Variants in SLC1A5 observed in about 807,000 individuals in gnomAD.
SLC1A5 encodes neutral amino acid transporter B(0).
A neutral mutation model predicts 34.9 loss-of-function variants in SLC1A5; 25 were observed. That is an observed-to-expected ratio of 0.72 (90% confidence interval 0.52 to 1.00). SLC1A5 has a LOEUF of 1.00. SLC1A5 is among the 50% of genes least tolerant of loss of function. The probability of loss-of-function intolerance (pLI) is 0.00; values close to 1 mark genes in which losing one functional copy is unlikely to be tolerated. For missense variants in SLC1A5, 637 were observed against 740.0 expected (o/e 0.86, Z 1.61); for synonymous variants, 351 against 341.2 (o/e 1.03, Z -0.32).
At chr19:46,782,351 A>ACCAAAACCCCC in intron 4 of SLC1A5, 32 bp downstream of exon 4, 1 of 256,186 alleles carries the variant, frequency 3.9e-6, no homozygotes, top group African/African-American at 6.2e-5. Context: ...CTCCAACCCC[A>ACCAAAACCCCC]CCCACCCCCA....
intron 1 of SLC1A5, among the ~76,000 whole-genome samples, chr19:46,786,080 T>C (rs1900549023): frequency 1.3e-5 from 2 of 151,610 alleles, no homozygotes; most frequent in Admixed American, 6.6e-5. Context: ...AGCATGAGTT[T>C]ATTGGTGTGT....
chr19:46,783,941 G>A (rs1231518449), intron 3 of SLC1A5, among the ~76,000 whole-genome samples, 156 bp downstream of exon 3: 1 of 152,110 alleles, frequency 6.6e-6, no homozygotes, highest in African/African-American at 2.4e-5. Context: ...AGGGGACAAA[G>A]TAGAGACCTA....
chr19:46,777,247 T>C lies in SLC1A5; in HGVS notation c.1217A>G (p.Gln406Arg), dbSNP rs757792909. The C allele has an allele frequency of 6.2e-7, 1 of 1,610,288 alleles. No homozygotes were observed. Among genetic ancestry groups the C allele is most frequent in the Non-Finnish European group, 8.5e-7 (1 of 1,177,944 alleles). The change falls in exon 6 of 8, where the codon CAG becomes CGG. Residue 406 changes from glutamine (Q) to arginine (R), a missense_variant. Transcript: ENST00000542575. ...GATCTTTACGAAGTCCAAGGACTGCTGGCTGAGCTGTGCAATGAACACTGC... is the reference window on the plus strand; with the variant it reads ...GATCTTTACGAAGTCCAAGGACTGCCGGCTGAGCTGTGCAATGAACACTGC... ...VAAVFIAQLS[Q>R]QSLDFVKIIT...
intron 4 of SLC1A5, 118 bp downstream of exon 4, chr19:46,782,265 T>A (rs2055151528): frequency 1.3e-6 from 1 of 754,016 alleles, no homozygotes; most frequent in Non-Finnish European, 2.2e-6. Flanking sequence ...GCAGGTCATC[T>A]GGCTCCAAAG....
chr19:46,776,197 ATTTTTT>A (rs57733706), intron 7 of SLC1A5, among the ~76,000 whole-genome samples: 4 of 121,782 alleles, frequency 3.3e-5, no homozygotes, highest in Non-Finnish European at 1.7e-5. Flanking sequence ...TAATTCCAGA[ATTTTTT>A]TTTTTTTTTT....
chr19:46,784,968 G>C (rs577697832), intron 1 of SLC1A5: 1 of 971,928 alleles, frequency 1.0e-6, no homozygotes, highest in Admixed American at 4.4e-5. Flanking sequence ...GAGGATCTGG[G>C]TGTGTTGGGA....
chr19:46,787,862 G>C lies in SLC1A5; in HGVS notation c.104C>G (p.Ala35Gly), dbSNP rs1163407297. 5 of 1,557,438 alleles carry C rather than the reference G, an allele frequency of 3.2e-6. No homozygotes were observed. Among genetic ancestry groups the C allele is most frequent in the African/African-American group, 2.7e-5 (2 of 73,268 alleles). Residue 35 changes from alanine to glycine, a missense_variant, in exon 1 of 8, where the codon GCA becomes GGA. Transcript: ENST00000542575. The surrounding 1 kb of genome is among the most constrained non-coding windows in gnomAD (Gnocchi z 5.2). The part of the protein sequence containing the change: ...LASIEDQGAA[A>G]GGYCGSRDQV... Reference sequence around the variant, plus strand: ...GTCCCGGGAACCGCAGTAGCCGCCTGCTGCCGCGCCTTGGTCCTCGATGGA... The same window carrying C: ...GTCCCGGGAACCGCAGTAGCCGCCTCCTGCCGCGCCTTGGTCCTCGATGGA...
chr19:46,782,338 A>ACCCAGCCAACCCCCCCCCCCCCCCC, intron 4 of SLC1A5, 45 bp downstream of exon 4: 1 of 1,009,384 alleles, frequency 9.9e-7, no homozygotes. Context: ...CAGCAGACCG[A>ACCCAGCCAACCCCCCCCCCCCCCCC]CCCTCCAACC....
At chr19:46,780,436 C>G (rs903182290) in intron 4 of SLC1A5, among the ~76,000 whole-genome samples, 1 of 151,902 alleles carries the variant, frequency 6.6e-6, no homozygotes, top group Non-Finnish European at 1.5e-5. Context: ...TCACTACAAC[C>G]TTTGCCTCCC....
At position 46,787,174 on chromosome 19, in the gene SLC1A5, A is replaced by G; in HGVS notation, c.566+226T>C. On this transcript the variant is annotated intron_variant, in intron 1 of 7. Transcript: ENST00000542575. The surrounding 1 kb of genome is among the most constrained non-coding windows in gnomAD (Gnocchi z 5.2). ...CCAAATCACTTTCTTCTCCCTCTATAAGACCCCACTTATGTACCCAGGCCC... is the reference window on the plus strand; with the variant it reads ...CCAAATCACTTTCTTCTCCCTCTATGAGACCCCACTTATGTACCCAGGCCC... The G allele has an allele frequency of 7.6e-7, 1 of 1,309,942 alleles. No individual in the cohort carries two copies. The highest frequency in any genetic ancestry group is 1.0e-6 in the Non-Finnish European group (1 of 1,004,220). The allele number at this position is 1,309,942 out of a possible 1,614,324, so 81.1% of individuals were successfully genotyped here.
chr19:46,782,343 C>CA, intron 4 of SLC1A5, 40 bp downstream of exon 4: 1 of 459,574 alleles, frequency 2.2e-6, no homozygotes, highest in East Asian at 5.3e-5. Flanking sequence ...GACCGACCCT[C>CA]CAACCCCACC....
intron 4 of SLC1A5, among the ~76,000 whole-genome samples, chr19:46,780,989 A>T (rs891232862): frequency 5.9e-5 from 9 of 152,102 alleles, no homozygotes; most frequent in Admixed American, 5.2e-4. Context: ...ATAAATAAAT[A>T]AAATAAATAC....
intron 1 of SLC1A5, chr19:46,784,796 G>A (rs2055175134): frequency 7.0e-7 from 1 of 1,429,798 alleles, no homozygotes; most frequent in Non-Finnish European, 9.1e-7. Flanking sequence ...CTAGCCCTGA[G>A]GCATTGTGGG....
At position 46,787,975 on chromosome 19, in the gene SLC1A5, C is replaced by T. The variant is rs1599737791; in HGVS notation, c.-10G>A. 1 of 1,543,908 alleles carries T rather than the reference C, an allele frequency of 6.5e-7. No homozygotes were observed. Among genetic ancestry groups the T allele is most frequent in the South Asian group, 1.2e-5 (1 of 82,006 alleles). On this transcript the variant is annotated 5_prime_UTR_variant, in exon 1 of 8. Coordinates refer to ENST00000542575, the MANE Select transcript of SLC1A5 (RefSeq NM_005628.3). The surrounding 1 kb of genome is among the most constrained non-coding windows in gnomAD (Gnocchi z 5.2). ...GAGGATCGGCCACCATGATGGGAAG[C>T]ACCGGGGTTTCTTAGCGCCTGGAAG...
rs1246758651 is a variant in SLC1A5, at chr19:46,775,672, A to T, written c.1464T>A (p.Arg488=). ...CAGGCTCTGTGCTTCTCGACTCCGTACGGTCCACGTAATTTTGGAGGAGTC... is the reference window on the plus strand; with the variant it reads ...CAGGCTCTGTGCTTCTCGACTCCGTTCGGTCCACGTAATTTTGGAGGAGTC... ...GAGLLQNYVD[R]TESRSTEPEL... is the part of the protein sequence containing the mutation. The change falls in exon 8 of 8, where the codon CGT becomes CGA. Residue 488 remains arginine, a synonymous_variant. Coordinates refer to ENST00000542575, the MANE Select transcript of SLC1A5 (RefSeq NM_005628.3). 6.2e-7 allele frequency: 1 copy of T among 1,614,042 alleles called. No homozygotes were observed. Among genetic ancestry groups the T allele is most frequent in the Admixed American group, 1.7e-5 (1 of 59,986 alleles).
Position 46,775,628 on chromosome 19 carries a change from C to G in SLC1A5, c.1508G>C (p.Ser503Thr), listed in dbSNP as rs1179288644. Reference protein sequence around the residue: ...STEPELIQVKSELPLDPLPVP... With the variant: ...STEPELIQVKTELPLDPLPVP... ...TGGCAGCGGATCCAGGGGCAGCTCA[C>G]TCTTCACTTGTATCAACTCAGGCTC... Residue 503 changes from serine to threonine, a missense_variant, in exon 8 of 8, where the codon AGT becomes ACT. Ser to Thr is a moderately conservative substitution (Grantham distance 58). Coordinates refer to ENST00000542575, the MANE Select transcript of SLC1A5 (RefSeq NM_005628.3). 1.2e-6 allele frequency: 2 copies of G among 1,614,070 alleles called. No homozygotes were observed. Among genetic ancestry groups the G allele is most frequent in the African/African-American group, 2.7e-5 (2 of 74,930 alleles).
chr19:46,782,346 A>AACCCCCCCCCCCCCCCCCCCCCCTCCCCC, intron 4 of SLC1A5, 37 bp downstream of exon 4: 4 of 567,986 alleles, frequency 7.0e-6, no homozygotes, highest in South Asian at 3.6e-5. Context: ...CGACCCTCCA[A>AACCCCCCCCCCCCCCCCCCCCCCTCCCCC]CCCCACCCAC....
At chr19:46,782,209 T>G (rs892550860) in intron 4 of SLC1A5, among the ~76,000 whole-genome samples, 174 bp downstream of exon 4, 4 of 152,100 alleles carry the variant, frequency 2.6e-5, no homozygotes, top group African/African-American at 9.7e-5. Context: ...GAAAATCACT[T>G]GCCTAAAATC....
rs2055096835 is a variant in SLC1A5, at chr19:46,777,099, T to C, written c.1264A>G (p.Thr422Ala). Reference sequence around the variant, plus strand: ...CCCGCTGCCCCCACGCTGGACGCTGTGGCCGTGACCCTGAGGGAGAAGGTG... The same window carrying C: ...CCCGCTGCCCCCACGCTGGACGCTGCGGCCGTGACCCTGAGGGAGAAGGTG... ...VKIITILVTA[T>A]ASSVGAAGIP... Residue 422 changes from threonine (T) to alanine (A), a missense_variant, in exon 7 of 8, where the codon ACA becomes GCA. Thr to Ala is a moderately conservative substitution (Grantham distance 58). Transcript: ENST00000542575. 2 of 1,613,614 alleles carry C rather than the reference T, an allele frequency of 1.2e-6. No individual in the cohort carries two copies.
Sources: allele counts gnomAD v4.1 joint callset (sites outside exome capture counted in the v4.1 genomes callset), GRCh38; gene constraint gnomAD v4.1.1; non-coding constraint Gnocchi (gnomAD v3.1); transcripts MANE v1.5; gene names NCBI Gene and HGNC (gene_info 2026-07-23, HGNC 2026-07-21).